CELF5: variants seen among roughly 807,000 people sequenced by gnomAD.
CELF5 encodes the protein CUG-BP and ETR-3 like factor 5.
A neutral mutation model predicts 54.9 loss-of-function variants in CELF5; 6 were observed. The observed-to-expected ratio is 0.11, with a 90% CI of 0.06 to 0.22. The LOEUF is 0.22. Among genes scored for constraint, CELF5 ranks in the 10% least tolerant of loss-of-function variants. The pLI, the probability that CELF5 is intolerant of heterozygous loss-of-function variation, is 1.00. For missense variants in CELF5, 401 were observed against 678.6 expected (o/e 0.59, Z 4.54); for synonymous variants, 271 against 290.9 (o/e 0.93, Z 0.70).
intron 1 of CELF5, among the ~76,000 whole-genome samples, chr19:3,239,945 A>C (rs1490257710): frequency 6.6e-6 from 1 of 150,866 alleles, no homozygotes; most frequent in South Asian, 2.1e-4. Flanking sequence ...TCAGTCCAGC[A>C]GTTCTTTGCC....
In CELF5 at chr19:3,281,295, A is replaced by T; in HGVS notation, c.700A>T (p.Thr234Ser). The change falls in exon 6 of 13, where the codon ACG (threonine) becomes TCG (serine). Residue 234 changes from threonine (T) to serine (S), a missense_variant. Transcript: ENST00000292672. The surrounding 1 kb of genome is among the most constrained non-coding windows in gnomAD (Gnocchi z 6.5). ...QQMVGQLGILTPSLTLPFSPY... is the reference protein window; with the variant it reads ...QQMVGQLGILSPSLTLPFSPY... ...GATGGTGGGCCAGCTGGGCATCCTG[A>T]CGCCGTCCCTCACATTGCCCTTCAG... The T allele has an allele frequency of 6.2e-7, 1 of 1,611,768 alleles. No homozygotes were observed. The highest frequency in any genetic ancestry group is 1.7e-5 in the Admixed American group (1 of 60,010).
rs78582138 is a variant in CELF5, at chr19:3,258,427, C to T, written c.342+7360C>T. Among the ~76,000 whole-genome samples, 942 of 151,206 alleles carry T rather than the reference C, an allele frequency of 6.2e-3. 11 individuals carry two copies. Among genetic ancestry groups the T allele is most frequent in the African/African-American group, 0.021 (874 of 41,210 alleles). On this transcript the variant is annotated intron_variant, in intron 2 of 12. Transcript: ENST00000292672. ...ATGAGCCACTGCGCCCGGCCTGTGT[C>T]TGTGTCCCTTTGCTTTTCTCTTAGA...
chr19:3,240,243 C>G (rs1190454963), intron 1 of CELF5, among the ~76,000 whole-genome samples: 1 of 152,070 alleles, frequency 6.6e-6, no homozygotes, highest in Non-Finnish European at 1.5e-5. Context: ...TCTTGAACTC[C>G]TTACCTCAAA....
rs1200863679 is a variant in CELF5, at chr19:3,268,349, G to A, written c.343-5523G>A. On this transcript the variant is annotated intron_variant, in intron 2 of 12. Transcript: ENST00000292672. This position sits in a 1 kb window ranked among gnomAD's most constrained non-coding sequence, Gnocchi z 4.4. ...GACTCTGTAAGGTGAGGCCTGTCAG[G>A]TGCTGAACGCAGAACCCGAGCTCGG... is the stretch of plus-strand genomic sequence containing the variant. 1.3e-5 allele frequency among the ~76,000 whole-genome samples: 2 copies of A among 152,128 alleles called. No homozygotes were observed. Among genetic ancestry groups the A allele is most frequent in the African/African-American group, 2.4e-5 (1 of 41,422 alleles).
chr19:3,270,541 C>T (rs2079944263), intron 2 of CELF5: 2 of 148,072 alleles, frequency 1.4e-5, no homozygotes, highest in South Asian at 2.1e-4. Flanking sequence ...GCCTGGGCGT[C>T]GGGCGCAGGG....
intron 2 of CELF5, among the ~76,000 whole-genome samples, chr19:3,259,562 G>C (rs988667639): frequency 6.6e-6 from 1 of 152,094 alleles, no homozygotes; most frequent in Non-Finnish European, 1.5e-5. Context: ...GAGGACCCCA[G>C]CTCCTGGGAC....
At chr19:3,267,074 C>T (rs573990151) in intron 2 of CELF5, among the ~76,000 whole-genome samples, 154 of 143,676 alleles carry the variant, frequency 1.1e-3, no homozygotes, top group African/African-American at 3.8e-3. Context: ...TCTGTGTGTG[C>T]GTGTGCGTGT....
At chr19:3,249,416 T>A (rs1226418685) in intron 1 of CELF5, among the ~76,000 whole-genome samples, 1 of 152,210 alleles carries the variant, frequency 6.6e-6, no homozygotes, top group African/African-American at 2.4e-5. Flanking sequence ...TCTCTGTCTC[T>A]GTCAACGTCT....
intron 2 of CELF5, among the ~76,000 whole-genome samples, chr19:3,261,727 A>G (rs2079809056): frequency 6.6e-6 from 1 of 152,114 alleles, no homozygotes; most frequent in African/African-American, 2.4e-5. Context: ...AGGCTGAGAC[A>G]GGAGGATCAC....
At position 3,281,395 on chromosome 19, in the gene CELF5, C is replaced by T. The variant is rs1312578869; in HGVS notation, c.750+50C>T. ...GGGCTCCGGCTCCGTCTCTCTCAGT[C>T]TCTGTCTACTCTCTGTCGGGCTCCT... On this transcript the variant is annotated intron_variant, in intron 6 of 12. Coordinates refer to ENST00000292672, the MANE Select transcript of CELF5 (RefSeq NM_021938.4). The surrounding 1 kb of genome is among the most constrained non-coding windows in gnomAD (Gnocchi z 6.5). 6.4e-7 allele frequency: 1 copy of T among 1,557,062 alleles called. No individual in the cohort carries two copies. Among genetic ancestry groups the T allele is most frequent in the East Asian group, 2.3e-5 (1 of 43,994 alleles).
rs955358751 is a variant in CELF5 at position 3,268,916 on chromosome 19, C to A, written c.343-4956C>A. 1.3e-5 allele frequency among the ~76,000 whole-genome samples: 2 copies of A among 151,044 alleles called. No individual in the cohort carries two copies. The highest frequency in any genetic ancestry group is 6.6e-5 in the Admixed American group (1 of 15,150). The stretch of plus-strand genomic sequence containing the variant: ...GTTCAGGGGGCCATGGCAGGAGGAG[C>A]GGGGAGGAATGACTGGGGCTGAGCA... On this transcript the variant is annotated intron_variant, in intron 2 of 12. Coordinates refer to ENST00000292672, the MANE Select transcript of CELF5 (RefSeq NM_021938.4). The surrounding 1 kb of genome is among the most constrained non-coding windows in gnomAD (Gnocchi z 4.4).
Position 3,228,173 on chromosome 19 carries a change from CAGAG to C in CELF5, c.259+3179_259+3182del, listed in dbSNP as rs1432713414. On this transcript the variant is annotated intron_variant, in intron 1 of 12. Transcript: ENST00000292672. The surrounding 1 kb of genome is among the most constrained non-coding windows in gnomAD (Gnocchi z 6.0). ...AGAGAGACACGCAGGGAAAGAGAGA[CAGAG>C]AGACCCACAGAGAGACAGAGACAGA... 6.6e-6 allele frequency among the ~76,000 whole-genome samples: 1 copy of C among 151,604 alleles called. No homozygotes were observed. Among genetic ancestry groups the C allele is most frequent in the Non-Finnish European group, 1.5e-5 (1 of 67,836 alleles).
In CELF5 at chr19:3,275,367, A is replaced by AG. The variant is rs1198311655; in HGVS notation, c.395-485dup. ...CCTCTTGATCCCGACAAAGTTGGGC[A>AG]GGGGCCTCTGCTGGGCACCGTGAAA... On this transcript the variant is annotated intron_variant, in intron 3 of 12. Transcript: ENST00000292672. This position sits in a 1 kb window ranked among gnomAD's most constrained non-coding sequence, Gnocchi z 6.7. Among the ~76,000 whole-genome samples the AG allele has an allele frequency of 5.3e-5, 8 of 152,342 alleles. No homozygotes were observed. The East Asian group carries it at 1.5e-3, about 29-fold the overall frequency.
At chr19:3,277,929 G>A in intron 4 of CELF5, 102 bp from the exon 5 acceptor site, 1 of 827,342 alleles carries the variant, frequency 1.2e-6, no homozygotes, top group Non-Finnish European at 2.0e-6. Context: ...GCATGTGTCT[G>A]ACACTGGCCA....
At position 3,282,955 on chromosome 19, in the gene CELF5, C is replaced by G. The variant is rs1377861697; in HGVS notation, c.1039+457C>G. On this transcript the variant is annotated intron_variant, in intron 8 of 12. Transcript: ENST00000292672. The surrounding 1 kb of genome is among the most constrained non-coding windows in gnomAD (Gnocchi z 5.2). The stretch of plus-strand genomic sequence containing the variant: ...AAGTGATTCTCCTGCCTCAGCCTCC[C>G]AAGTAGCTGGGATTACAGGCGCATG... 6.6e-6 allele frequency among the ~76,000 whole-genome samples: 1 copy of G among 152,194 alleles called. No homozygotes were observed. The highest frequency in any genetic ancestry group is 1.9e-4 in the East Asian group (1 of 5,206).
At chr19:3,288,260 A>G (rs559655651) in intron 10 of CELF5, among the ~76,000 whole-genome samples, 5 of 152,228 alleles carry the variant, frequency 3.3e-5, no homozygotes, top group Non-Finnish European at 5.9e-5. Context: ...AGTGGCTGAC[A>G]CCTGTAATCC....
In CELF5 at chr19:3,224,947, C is replaced by A. The variant is rs1167333828; in HGVS notation, c.208C>A (p.Arg70Ser). 1 of 1,609,312 alleles carries A rather than the reference C, an allele frequency of 6.2e-7. No homozygotes were observed. Among genetic ancestry groups the A allele is most frequent in the Non-Finnish European group, 8.5e-7 (1 of 1,178,182 alleles). The change falls in exon 1 of 13, where the codon CGC becomes AGC. Residue 70 changes from arginine (R) to serine (S), a missense_variant. By Grantham distance (110) the Arg-to-Ser change is moderately radical. Transcript: ENST00000292672. ...DLKPLFEQFG[R>S]IYELTVLKDP... ...CAAGCCGCTCTTCGAGCAGTTCGGC[C>A]GCATCTACGAGCTCACGGTGCTCAA...
At chr19:3,229,520 T>G (rs1279872295) in intron 1 of CELF5, among the ~76,000 whole-genome samples, 1 of 151,848 alleles carries the variant, frequency 6.6e-6, no homozygotes, top group African/African-American at 2.4e-5. Flanking sequence ...AGGCAGTTAG[T>G]GTAGGAGAGT....
intron 11 of CELF5, among the ~76,000 whole-genome samples, chr19:3,290,805 A>T (rs2080333173): frequency 6.7e-6 from 1 of 148,942 alleles, no homozygotes; most frequent in Admixed American, 6.7e-5. Context: ...TGACCTCGTG[A>T]TCTGCCCGCC....
Sources: allele counts gnomAD v4.1 joint callset (sites outside exome capture counted in the v4.1 genomes callset), GRCh38; gene constraint gnomAD v4.1.1; non-coding constraint Gnocchi (gnomAD v3.1); transcripts MANE v1.5; gene names NCBI Gene and HGNC (gene_info 2026-07-23, HGNC 2026-07-21).